SNX18: variants seen among roughly 807,000 people sequenced by gnomAD.
The protein encoded by SNX18 is sorting nexin-18.
Under a neutral mutation model 48.7 loss-of-function variants are expected in SNX18, and 35 were observed. The ratio of observed to expected loss-of-function variants is 0.72; its 90% confidence interval spans 0.55 to 0.95. SNX18 has a LOEUF of 0.95. Ranked by LOEUF, SNX18 falls within the 40% of genes least tolerant of loss-of-function variation. SNX18 has a pLI of 0.00. For missense variants in SNX18, 824 were observed against 871.0 expected (o/e 0.95, Z 0.68); for synonymous variants, 492 against 384.7 (o/e 1.28, Z -3.26).
At chr5:54,595,039 A>T in the SNX18 span, among the ~76,000 whole-genome samples, 1 of 152,162 alleles carries the variant, frequency 6.6e-6, no homozygotes, top group African/African-American at 2.4e-5. Context: ...TCTGTGGTGT[A>T]TATATACTAC....
At chr5:54,546,947 A>G (rs1057217430), downstream of SNX18, among the ~76,000 whole-genome samples, 6 of 152,264 alleles carry the variant, frequency 3.9e-5, no homozygotes, top group East Asian at 1.9e-4. Flanking sequence ...GCGAACTCCA[A>G]CACACATAAG....
At chr5:54,597,986 A>G in the SNX18 span, among the ~76,000 whole-genome samples, 1 of 152,168 alleles carries the variant, frequency 6.6e-6, no homozygotes, top group South Asian at 2.1e-4. Context: ...AGATACATAG[A>G]CTACTAGCTA....
intron 1 of SNX18, among the ~76,000 whole-genome samples, chr5:54,539,934 C>T (rs970022198): frequency 3.3e-5 from 5 of 151,732 alleles, no homozygotes; most frequent in African/African-American, 1.2e-4. Context: ...TGCAATGGTG[C>T]GATTTCGGCT....
chr5:54,524,963 T>C (rs1039963350), intron 1 of SNX18, among the ~76,000 whole-genome samples: 6 of 152,206 alleles, frequency 3.9e-5, no homozygotes, highest in South Asian at 2.1e-4. Flanking sequence ...CTGGGTCTGC[T>C]GAGGAAGCTG....
chr5:54,533,139 C>G (rs1006836389), intron 1 of SNX18, among the ~76,000 whole-genome samples: 3 of 152,100 alleles, frequency 2.0e-5, no homozygotes, highest in African/African-American at 7.2e-5. Context: ...CTATGCTTGT[C>G]TTGATCCTCT....
the SNX18 span, among the ~76,000 whole-genome samples, chr5:54,647,205 T>A: frequency 6.6e-6 from 1 of 152,254 alleles, no homozygotes; most frequent in African/African-American, 2.4e-5. Context: ...AATCATTTAC[T>A]AAGTGCCAAA....
At chr5:54,572,621 C>T in the SNX18 span, among the ~76,000 whole-genome samples, 2 of 151,282 alleles carry the variant, frequency 1.3e-5, no homozygotes, top group African/African-American at 4.9e-5. Flanking sequence ...ATCTGAGACA[C>T]ATATATAAAT....
the SNX18 span, among the ~76,000 whole-genome samples, chr5:54,628,023 C>T: frequency 1.3e-3 from 204 of 152,258 alleles, no homozygotes; most frequent in Middle Eastern, 0.017. Flanking sequence ...TTAAGTCCTA[C>T]TTCCCAACCA....
the SNX18 span, among the ~76,000 whole-genome samples, chr5:54,563,432 G>T: frequency 6.6e-6 from 1 of 152,140 alleles, no homozygotes; most frequent in African/African-American, 2.4e-5. Context: ...TGTTACAGTT[G>T]CCTACAGTAT....
Position 54,518,999 on chromosome 5 carries a change from C to T in SNX18, c.1047C>T (p.Ile349=). The change falls in exon 1 of 2, where the codon ATC becomes ATT. Residue 349 remains isoleucine, a synonymous_variant. Coordinates refer to ENST00000381410, the MANE Select transcript of SNX18 (RefSeq NM_001102575.2). Reference sequence around the variant, plus strand: ...CCGGCCGCTTCGAGGAGGACTTCATCTCTAAGCGCAGGAAGGGCCTGATCT... The same window carrying T: ...CCGGCCGCTTCGAGGAGGACTTCATTTCTAAGCGCAGGAAGGGCCTGATCT... ...QATGRFEEDF[I]SKRRKGLIWW... 1 of 1,613,592 alleles carries T rather than the reference C, an allele frequency of 6.2e-7. No individual in the cohort carries two copies. Among genetic ancestry groups the T allele is most frequent in the Non-Finnish European group, 8.5e-7 (1 of 1,179,840 alleles).
At chr5:54,593,565 A>T in the SNX18 span, among the ~76,000 whole-genome samples, 1 of 152,236 alleles carries the variant, frequency 6.6e-6, no homozygotes, top group East Asian at 1.9e-4. Context: ...GTATATGAAA[A>T]TACAAAGAAC....
the SNX18 span, among the ~76,000 whole-genome samples, chr5:54,639,732 G>A: frequency 6.6e-6 from 1 of 152,192 alleles, no homozygotes. Context: ...TTGTCTTGAA[G>A]AAACAAAGCT....
the SNX18 span, among the ~76,000 whole-genome samples, chr5:54,621,833 C>T: frequency 1.3e-5 from 2 of 152,218 alleles, no homozygotes; most frequent in African/African-American, 2.4e-5. Context: ...TCCAATAAAA[C>T]GCCCTGAATA....
intron 1 of SNX18, among the ~76,000 whole-genome samples, chr5:54,521,759 T>C (rs1457334587): frequency 1.3e-5 from 2 of 152,166 alleles, no homozygotes; most frequent in African/African-American, 2.4e-5. Flanking sequence ...TAGAGACAGG[T>C]GTCTTGCTAT....
chr5:54,634,751 A>T, the SNX18 span, among the ~76,000 whole-genome samples: 2 of 151,588 alleles, frequency 1.3e-5, no homozygotes, highest in Non-Finnish European at 2.9e-5. Flanking sequence ...ATCCCAAATT[A>T]AAAAAAAATT....
At chr5:54,558,408 C>A in the SNX18 span, among the ~76,000 whole-genome samples, 27 of 152,076 alleles carry the variant, frequency 1.8e-4, no homozygotes, top group Admixed American at 1.8e-3. Context: ...CTCATTCTTT[C>A]TTTCAAGATT....
chr5:54,583,631 T>C, the SNX18 span, among the ~76,000 whole-genome samples: 24 of 152,354 alleles, frequency 1.6e-4, no homozygotes, highest in African/African-American at 5.5e-4. Context: ...AGCTTCCTTA[T>C]GTATAAAATG....
At chr5:54,584,226 AT>A in the SNX18 span, among the ~76,000 whole-genome samples, 1 of 151,394 alleles carries the variant, frequency 6.6e-6, no homozygotes, top group Admixed American at 6.6e-5. Context: ...AATTTTTTAT[AT>A]TTTAGTAGAG....
At chr5:54,600,241 A>G in the SNX18 span, among the ~76,000 whole-genome samples, 9 of 152,176 alleles carry the variant, frequency 5.9e-5, no homozygotes, top group Non-Finnish European at 1.2e-4. Context: ...AACATCACCA[A>G]TCATTAGAGA....
Sources: allele counts gnomAD v4.1 joint callset (sites outside exome capture counted in the v4.1 genomes callset), GRCh38; gene constraint gnomAD v4.1.1; transcripts MANE v1.5; gene names NCBI Gene and HGNC (gene_info 2026-07-23, HGNC 2026-07-21).